Variants in SCAPER observed in about 807,000 individuals in gnomAD.
SCAPER encodes S-phase cyclin A associated protein in the ER.
In SCAPER, 98 loss-of-function variants were observed where a neutral mutation model predicts 182.2. That is an observed-to-expected ratio of 0.54 (90% CI 0.46 to 0.64). SCAPER has a LOEUF of 0.64. Ranked by LOEUF, SCAPER falls within the 30% of genes least tolerant of loss-of-function variation. The pLI is 0.00. For synonymous variants in SCAPER, 605 were observed against 564.6 expected (o/e 1.07, Z -1.01); for missense variants, 1,432 against 1,690.0 (o/e 0.85, Z 2.68).
intron 22 of SCAPER, among the ~76,000 whole-genome samples, chr15:76,578,917 G>T (rs556320316): frequency 6.6e-6 from 1 of 152,292 alleles, no homozygotes; most frequent in South Asian, 2.1e-4. Flanking sequence ...CAGAGAATTC[G>T]AAATAGTTGT....
chr15:76,683,592 A>C (rs2057858292), intron 20 of SCAPER, among the ~76,000 whole-genome samples: 2 of 152,132 alleles, frequency 1.3e-5, no homozygotes, highest in South Asian at 4.2e-4. Flanking sequence ...GGCCATCCCC[A>C]AAACACAGAG....
chr15:76,352,990 T>G (rs1259007724), intron 30 of SCAPER, among the ~76,000 whole-genome samples: 1 of 152,108 alleles, frequency 6.6e-6, no homozygotes, highest in African/African-American at 2.4e-5. Flanking sequence ...TTGATCTAGT[T>G]GCGTTTATTA....
intron 20 of SCAPER, among the ~76,000 whole-genome samples, chr15:76,677,566 C>T (rs923805782): frequency 2.4e-4 from 36 of 151,684 alleles, no homozygotes; most frequent in African/African-American, 8.2e-4. Context: ...ATTCCACACA[C>T]ACAATAAAAT....
At chr15:76,519,577 C>G (rs2042687474) in intron 23 of SCAPER, among the ~76,000 whole-genome samples, 1 of 152,212 alleles carries the variant, frequency 6.6e-6, no homozygotes, top group African/African-American at 2.4e-5. Flanking sequence ...TGGGCATGGA[C>G]TGTGTATCCA....
chr15:76,390,053 C>T (rs1374008657), intron 27 of SCAPER, among the ~76,000 whole-genome samples: 1 of 151,924 alleles, frequency 6.6e-6, no homozygotes, highest in Non-Finnish European at 1.5e-5. Flanking sequence ...AACTCGTAGG[C>T]TCAAGCAATC....
At chr15:76,587,406 C>T (rs887403223) in intron 22 of SCAPER, among the ~76,000 whole-genome samples, 3 of 152,080 alleles carry the variant, frequency 2.0e-5, no homozygotes, top group Admixed American at 6.6e-5. Flanking sequence ...CTCTTTCAGA[C>T]TTTTTGATGA....
rs1166542436 is a variant in SCAPER at position 76,603,572 on chromosome 15, G to A, written c.2711+18192C>T. Among the ~76,000 whole-genome samples the A allele has an allele frequency of 2.5e-4, 30 of 121,458 alleles. 6 individuals carry two copies. Among genetic ancestry groups the A allele is most frequent in the African/African-American group, 7.6e-4 (30 of 39,664 alleles). The allele number at this position is 121,458 out of a possible 152,430, so 79.7% of individuals were successfully genotyped here. On this transcript the variant is annotated intron_variant, in intron 22 of 31. Coordinates refer to ENST00000563290, the MANE Select transcript of SCAPER (RefSeq NM_020843.4). ...AGTGATGGGATGGCTGGGTCAAATG[G>A]TTTTCTAGTTCTAGATCCCTGAGGA...
intron 27 of SCAPER, among the ~76,000 whole-genome samples, chr15:76,390,220 A>T (rs77757098): frequency 6.6e-6 from 1 of 152,242 alleles, no homozygotes; most frequent in African/African-American, 2.4e-5. Context: ...CTCTCAAAGT[A>T]TTGGGATTGC....
chr15:76,681,275 C>T (rs2146996388), intron 20 of SCAPER, among the ~76,000 whole-genome samples: 1 of 152,200 alleles, frequency 6.6e-6, no homozygotes, highest in East Asian at 1.9e-4. Flanking sequence ...CAGTAAGAAA[C>T]ATTGTAAAAT....
At chr15:76,715,251 G>C (rs547422081) in intron 17 of SCAPER, among the ~76,000 whole-genome samples, 3 of 151,516 alleles carry the variant, frequency 2.0e-5, no homozygotes, top group African/African-American at 7.3e-5. Context: ...GCACACCAAA[G>C]TAATTGCACC....
chr15:76,636,532 A>C (rs1016733390), intron 21 of SCAPER, among the ~76,000 whole-genome samples: 1 of 152,166 alleles, frequency 6.6e-6, no homozygotes, highest in Non-Finnish European at 1.5e-5. Context: ...AATAAAAACA[A>C]ATCACCTGAC....
chr15:76,833,466 A>C (rs2068678932), intron 5 of SCAPER, among the ~76,000 whole-genome samples: 1 of 152,208 alleles, frequency 6.6e-6, no homozygotes, highest in African/African-American at 2.4e-5. Context: ...TCGACATAAG[A>C]ATCAACCAGC....
At chr15:76,637,732 ATATATATATATGTGTGTGTGTGTGTG>A (rs1482291600) in intron 21 of SCAPER, among the ~76,000 whole-genome samples, 9 of 29,882 alleles carry the variant, frequency 3.0e-4, no homozygotes, top group African/African-American at 8.0e-4. Context: ...TTATATATAT[ATATATATATATGTGTGTGTGTGTGTG>A]TGTGTGTGTG....
At chr15:76,428,866 C>CCATATATATATATATATA (rs1555432006) in intron 26 of SCAPER, among the ~76,000 whole-genome samples, 25 of 79,912 alleles carry the variant, frequency 3.1e-4, no homozygotes, top group African/African-American at 1.3e-3. Flanking sequence ...GATCATTATA[C>CCATATATATATATATATA]TATATATATA....
At chr15:76,835,643 G>A (rs1444225267) in intron 5 of SCAPER, among the ~76,000 whole-genome samples, 1 of 152,066 alleles carries the variant, frequency 6.6e-6, no homozygotes, top group Non-Finnish European at 1.5e-5. Flanking sequence ...ACAAGACAAG[G>A]ATTCCCACCT....
chr15:76,815,617 G>A (rs2067012930), intron 5 of SCAPER, among the ~76,000 whole-genome samples: 1 of 152,174 alleles, frequency 6.6e-6, no homozygotes, highest in Non-Finnish European at 1.5e-5. Flanking sequence ...CACAACAGGA[G>A]GTGAGCAGTG....
chr15:76,537,068 G>A (rs1482915889), intron 23 of SCAPER, among the ~76,000 whole-genome samples: 1 of 151,990 alleles, frequency 6.6e-6, no homozygotes, highest in African/African-American at 2.4e-5. Context: ...AAATAAAAGA[G>A]GATACAAACA....
intron 22 of SCAPER, among the ~76,000 whole-genome samples, chr15:76,587,944 CAG>C (rs1477171191): frequency 1.3e-5 from 2 of 149,560 alleles, no homozygotes; most frequent in African/African-American, 5.0e-5. Flanking sequence ...TTTTTTAAGA[CAG>C]AGTCTTGCTC....
At chr15:76,554,501 A>G (rs2046034126) in intron 23 of SCAPER, among the ~76,000 whole-genome samples, 1 of 152,238 alleles carries the variant, frequency 6.6e-6, no homozygotes. Flanking sequence ...GAGACAGTAT[A>G]CAAGATGACC....
Sources: allele counts gnomAD v4.1 joint callset (sites outside exome capture counted in the v4.1 genomes callset), GRCh38; gene constraint gnomAD v4.1.1; transcripts MANE v1.5; gene names NCBI Gene and HGNC (gene_info 2026-07-23, HGNC 2026-07-21).